The following CENPC variants were observed in gnomAD, a reference collection of about 807,000 sequenced individuals.
CENPC encodes centromere protein C.
In CENPC, 63 loss-of-function variants were observed where a neutral mutation model predicts 112.1. The observed-to-expected ratio is 0.56, with a 90% CI of 0.46 to 0.69. The LOEUF is 0.69. Ranked by LOEUF, CENPC falls within the 30% of genes least tolerant of loss-of-function variation. The pLI, the probability that CENPC is intolerant of heterozygous loss-of-function variation, is 0.00. For missense variants in CENPC, 1,000 were observed against 1,103.8 expected, an observed-to-expected ratio of 0.91 and a Z score of 1.33; for synonymous variants, 333 against 367.6, an observed-to-expected ratio of 0.91 and a Z score of 1.08.
chr4:67,491,511 A>AGAGAGAGAGG lies in CENPC; in HGVS notation c.2515+668_2515+669insCCTCTCTCTC, dbSNP rs1553893239. On this transcript the variant is annotated intron_variant, in intron 16 of 18. Coordinates refer to ENST00000273853, the MANE Select transcript of CENPC (RefSeq NM_001812.4). ...GAGAGAGAGAGAGAGAGAGAGAGAG[A>AGAGAGAGAGG]GAGAGAGAGAGAGAGAGCCTGGTTG... Among the ~76,000 whole-genome samples, 255 of 114,334 alleles carry AGAGAGAGAGG rather than the reference A, an allele frequency of 2.2e-3. 5 individuals are homozygous for AGAGAGAGAGG. The highest frequency in any genetic ancestry group is 7.3e-3 in the East Asian group (13 of 1,792). The allele number at this position is 114,334 out of a possible 152,430, so 75.0% of individuals were successfully genotyped here.
intron 17 of CENPC, among the ~76,000 whole-genome samples, chr4:67,478,666 A>ACACACACCCC (rs146500743): frequency 4.4e-4 from 34 of 76,642 alleles, no homozygotes; most frequent in African/African-American, 1.3e-3. Flanking sequence ...ACACACACAC[A>ACACACACCCC]CCCAAAGTAT....
intron 14 of CENPC, chr4:67,493,342 A>T (rs2109778911): frequency 5.9e-6 from 1 of 170,266 alleles, no homozygotes; most frequent in African/African-American, 2.4e-5. Context: ...TGACTTAGAT[A>T]TATCCATCAA....
chr4:67,505,032 T>A, intron 12 of CENPC, 173 bp downstream of exon 12: 1 of 568,704 alleles, frequency 1.8e-6, no homozygotes, highest in Non-Finnish European at 3.1e-6. Flanking sequence ...TGTCACTCAT[T>A]TTCTTTCTGT....
At chr4:67,503,391 C>A (rs1392758120) in intron 12 of CENPC, among the ~76,000 whole-genome samples, 1 of 152,120 alleles carries the variant, frequency 6.6e-6, no homozygotes, top group Non-Finnish European at 1.5e-5. Context: ...GTGAGGACTT[C>A]TCTGCCCATC....
chr4:67,538,271 A>G (rs144245475), intron 4 of CENPC, among the ~76,000 whole-genome samples: 211 of 152,302 alleles, frequency 1.4e-3, no homozygotes, highest in African/African-American at 4.9e-3. Flanking sequence ...TCATATTATT[A>G]TCTTCATTCA....
chr4:67,472,693 A>G lies in CENPC; in HGVS notation c.2762-18T>C. On this transcript the variant is annotated intron_variant, in intron 18 of 18. Coordinates refer to ENST00000273853, the MANE Select transcript of CENPC (RefSeq NM_001812.4). ...ATAGTTACCTAAAAGTAAAGTGATA[A>G]GAAAATAAAAATTATTTACATATGA... is the stretch of plus-strand genomic sequence containing the variant. The G allele has an allele frequency of 6.7e-7, 1 of 1,488,072 alleles. No homozygotes were observed. The highest frequency in any genetic ancestry group is 1.4e-5 in the South Asian group (1 of 72,154). 92.2% of individuals were successfully genotyped at this position (1,488,072 alleles called of 1,614,324 possible). A position where few individuals can be genotyped will look rare whatever the true frequency, so the allele number is the denominator to read the frequency against.
At chr4:67,533,522 T>C (rs1250508441) in intron 4 of CENPC, among the ~76,000 whole-genome samples, 2 of 152,040 alleles carry the variant, frequency 1.3e-5, no homozygotes, top group East Asian at 1.9e-4. Flanking sequence ...TCTTAACATC[T>C]CATTAAAGAT....
At position 67,540,758 on chromosome 4, in the gene CENPC, C is replaced by T. The variant is rs150289020; in HGVS notation, c.136+222G>A. ...TTACAGTAATTTAATGTGAACTAAA[C>T]GGGATGACAAATTATTGTCAAATTA... is the stretch of plus-strand genomic sequence containing the variant. On this transcript the variant is annotated intron_variant, in intron 3 of 18. Transcript: ENST00000273853. 2.8e-4 allele frequency among the ~76,000 whole-genome samples: 42 copies of T among 152,202 alleles called. 1 individual carries two copies. Among genetic ancestry groups the T allele is most frequent in the African/African-American group, 8.7e-4 (36 of 41,518 alleles).
chr4:67,514,362 C>A lies in CENPC; in HGVS notation c.1156G>T (p.Ala386Ser). ...TTATTTACTGTTTCACCTATCAAAG[C>A]ATAACTTGTATCCAGTACTGTTTTA... Reference protein sequence around the residue: ...SDKTVLDTSYALIGETVNNYR... With the variant: ...SDKTVLDTSYSLIGETVNNYR... Residue 386 changes from alanine to serine, a missense_variant, in exon 8 of 19, where the codon GCT (alanine) becomes TCT (serine). Coordinates refer to ENST00000273853, the MANE Select transcript of CENPC (RefSeq NM_001812.4). 1 of 1,613,092 alleles carries A rather than the reference C, an allele frequency of 6.2e-7. No individual in the cohort carries two copies.
chr4:67,521,837 A>C (rs1726237935), intron 5 of CENPC, among the ~76,000 whole-genome samples: 1 of 152,228 alleles, frequency 6.6e-6, no homozygotes, highest in Admixed American at 6.5e-5. Context: ...TGAACCTTGA[A>C]GACATTATGC....
Position 67,526,934 on chromosome 4 carries a change from G to A in CENPC, c.331+3881C>T, listed in dbSNP as rs557821314. On this transcript the variant is annotated intron_variant, in intron 5 of 18. Transcript: ENST00000273853. ...ATAAATGTAGAACTGAAATTGCACA[G>A]TGCATACTATGTCATAAAGGAATCA... 1.4e-3 allele frequency among the ~76,000 whole-genome samples: 212 copies of A among 152,232 alleles called. 2 individuals are homozygous for A. The highest frequency in any genetic ancestry group is 4.7e-3 in the African/African-American group (196 of 41,554).
Position 67,490,842 on chromosome 4 carries a change from ATATAT to A in CENPC, c.2516-726_2516-722del, listed in dbSNP as rs1560422680. On this transcript the variant is annotated intron_variant, in intron 16 of 18. Coordinates refer to ENST00000273853, the MANE Select transcript of CENPC (RefSeq NM_001812.4). ...GACTACATGATATAGAAATAAATAT[ATATAT>A]ATATATATATATATATATATATATA... Among the ~76,000 whole-genome samples the A allele has an allele frequency of 5.2e-3, 49 of 9,346 alleles. No individual in the cohort carries two copies. The South Asian group carries it at 0.076, about 14-fold the overall frequency. The allele number at this position is 9,346 out of a possible 152,430, so 6.1% of individuals were successfully genotyped here. A position where few individuals can be genotyped will look rare whatever the true frequency, so the allele number is the denominator to read the frequency against.
intron 9 of CENPC, among the ~76,000 whole-genome samples, chr4:67,510,321 A>G (rs1425721020): frequency 6.6e-6 from 1 of 152,180 alleles, no homozygotes; most frequent in Admixed American, 6.6e-5. Context: ...TCAATCACTT[A>G]GCTAACTCCT....
Position 67,545,366 on chromosome 4 carries a change from C to T in CENPC, c.-11G>A. On this transcript the variant is annotated 5_prime_UTR_variant, in exon 1 of 19. Coordinates refer to ENST00000273853, the MANE Select transcript of CENPC (RefSeq NM_001812.4). ...ACCGGACGCAGCCATGTTCCGGCCC[C>T]GCTGAGCCAGCGCAACTGTCTGAGG... is the stretch of plus-strand genomic sequence containing the variant. 6.6e-7 allele frequency: 1 copy of T among 1,524,666 alleles called. No individual in the cohort carries two copies. The allele number at this position is 1,524,666 out of a possible 1,614,324, so 94.4% of individuals were successfully genotyped here.
chr4:67,511,623 A>G (rs142223964), intron 9 of CENPC, among the ~76,000 whole-genome samples: 57 of 152,270 alleles, frequency 3.7e-4, no homozygotes, highest in African/African-American at 1.3e-3. Context: ...CTGCTTATGC[A>G]AAAAATATGG....
intron 1 of CENPC, 116 bp downstream of exon 1, chr4:67,545,222 C>T: frequency 9.4e-7 from 1 of 1,059,120 alleles, no homozygotes; most frequent in Non-Finnish European, 1.3e-6. Context: ...GGCTTTCCCA[C>T]TGAAATCCCT....
rs1300281658 is a variant in CENPC, at chr4:67,519,201, T to C, written c.617+16A>G. On this transcript the variant is annotated intron_variant, in intron 6 of 18. Transcript: ENST00000273853. ...AATTTTTAAAGTGCGTTAACATTAT[T>C]TAAATAAAATGTTACCTTTTTTTGG... The C allele has an allele frequency of 1.3e-6, 2 of 1,516,696 alleles. No individual in the cohort carries two copies. The highest frequency in any genetic ancestry group is 1.8e-6 in the Non-Finnish European group (2 of 1,129,954). 94.0% of individuals were successfully genotyped at this position (1,516,696 alleles called of 1,614,324 possible). A position where few individuals can be genotyped will look rare whatever the true frequency, so the allele number is the denominator to read the frequency against.
Position 67,506,718 on chromosome 4 carries a change from C to A in CENPC, c.2051+70G>T, listed in dbSNP as rs1032052956. 5 of 1,181,812 alleles carry A rather than the reference C, an allele frequency of 4.2e-6. No homozygotes were observed. The African/African-American group carries it at 4.8e-5, about 11-fold the overall frequency. 73.2% of individuals were successfully genotyped at this position (1,181,812 alleles called of 1,614,324 possible). On this transcript the variant is annotated intron_variant, in intron 11 of 18. Transcript: ENST00000273853. ...CTTTTAACAAAATTAAAATAAAGTT[C>A]TTGGGTAATCTGTTATACAGCAATG...
chr4:67,478,726 C>T (rs1210475932), intron 17 of CENPC, among the ~76,000 whole-genome samples: 5 of 151,866 alleles, frequency 3.3e-5, no homozygotes, highest in African/African-American at 1.2e-4. Context: ...CATCTCAATA[C>T]TAACATTGAA....
Sources: gnomAD v4.1 joint callset for allele counts (sites outside exome capture counted in the v4.1 genomes callset) on GRCh38, gnomAD v4.1.1 for gene constraint, MANE v1.5 for transcripts, NCBI Gene and HGNC (gene_info 2026-07-23, HGNC 2026-07-21) for gene names.